MAPK10: variants seen among roughly 807,000 people sequenced by gnomAD.
MAPK10 encodes the protein mitogen-activated protein kinase 10.
In MAPK10, 25 loss-of-function variants were observed where a neutral mutation model predicts 59.3. The ratio of observed to expected loss-of-function variants is 0.42; its 90% CI spans 0.31 to 0.59. The LOEUF is 0.59. Among genes scored for constraint, MAPK10 ranks in the 20% least tolerant of loss-of-function variants. The probability of loss-of-function intolerance (pLI) is 0.15; values close to 1 mark genes in which losing one functional copy is unlikely to be tolerated. For synonymous variants in MAPK10, 190 were observed against 200.5 expected, an observed-to-expected ratio of 0.95 and a Z score of 0.44; for missense variants, 351 against 568.9, an observed-to-expected ratio of 0.62 and a Z score of 3.90.
intron 1 of MAPK10, among the ~76,000 whole-genome samples, chr4:86,451,868 C>T (rs956515956): frequency 1.3e-5 from 2 of 152,120 alleles, no homozygotes; most frequent in Admixed American, 1.3e-4. Flanking sequence ...CAAAAAAAGA[C>T]ACCAGATACC....
chr4:86,420,848 G>A (rs11930495), intron 1 of MAPK10, among the ~76,000 whole-genome samples: 1,675 of 152,150 alleles, frequency 0.011, 29 homozygotes, highest in African/African-American at 0.037. Flanking sequence ...TTGGGAGGCC[G>A]AGGCTGGTGG....
chr4:86,092,916 G>A (rs1647424942), intron 9 of MAPK10, among the ~76,000 whole-genome samples: 2 of 151,948 alleles, frequency 1.3e-5, no homozygotes, highest in African/African-American at 2.4e-5. Context: ...AGATTCACTT[G>A]CAACTGTAAC....
chr4:86,065,225 A>C (rs2046507863), intron 10 of MAPK10: 2 of 152,168 alleles, frequency 1.3e-5, no homozygotes, highest in Non-Finnish European at 2.9e-5. Flanking sequence ...AATTTCTTAT[A>C]TACATAAAAA....
At chr4:86,209,351 G>T (rs946850650) in intron 2 of MAPK10, among the ~76,000 whole-genome samples, 1 of 152,002 alleles carries the variant, frequency 6.6e-6, no homozygotes, top group South Asian at 2.1e-4. Flanking sequence ...AGGTGAAGTA[G>T]GAAGCACCAG....
At chr4:86,548,076 T>C (rs1759394939) in intron 1 of MAPK10, among the ~76,000 whole-genome samples, 1 of 152,124 alleles carries the variant, frequency 6.6e-6, no homozygotes. Context: ...GTTCTTTCAC[T>C]CTTTGCAATA....
intron 4 of MAPK10, chr4:86,119,699 A>G: frequency 6.6e-6 from 1 of 152,106 alleles, no homozygotes; most frequent in Non-Finnish European, 1.5e-5. Context: ...AGGGCTTATT[A>G]TGTCAGATGC....
At chr4:86,293,197 T>C in intron 2 of MAPK10, among the ~76,000 whole-genome samples, 1 of 152,206 alleles carries the variant, frequency 6.6e-6, no homozygotes, top group East Asian at 1.9e-4. Context: ...AAATGTCCCC[T>C]AGAATTTCAA....
intron 2 of MAPK10, chr4:86,340,222 G>A (rs1724062477): frequency 6.6e-6 from 1 of 151,638 alleles, no homozygotes; most frequent in Non-Finnish European, 1.5e-5. Flanking sequence ...AAAACTGAGG[G>A]ACCAGCATTA....
Position 86,354,549 on chromosome 4 carries a change from C to T in MAPK10, c.-26G>A. On this transcript the variant is annotated 5_prime_UTR_variant, in exon 2 of 14. The change abolishes an upstream ATG in the 5' untranslated region. Coordinates refer to ENST00000641462, the MANE Select transcript of MAPK10 (RefSeq NM_138982.4). The stretch of plus-strand genomic sequence containing the variant: ...ACTCACCACAGCTTGTATGGTTTCT[C>T]ATCTATAGGAAACGGGTCTAATTCA... 8.1e-7 allele frequency: 1 copy of T among 1,229,604 alleles called. No homozygotes were observed. Among genetic ancestry groups the T allele is most frequent in the Non-Finnish European group, 1.0e-6 (1 of 985,724 alleles). The allele number at this position is 1,229,604 out of a possible 1,614,324, so 76.2% of individuals were successfully genotyped here.
chr4:86,579,328 G>GT (rs966133780), intron 1 of MAPK10, among the ~76,000 whole-genome samples: 6 of 152,040 alleles, frequency 3.9e-5, no homozygotes, highest in Non-Finnish European at 5.9e-5. Context: ...GTTTTCTTTT[G>GT]TTTTTTCTGA....
At chr4:86,182,939 T>C (rs2077234944) in intron 3 of MAPK10, among the ~76,000 whole-genome samples, 1 of 152,214 alleles carries the variant, frequency 6.6e-6, no homozygotes, top group East Asian at 1.9e-4. Flanking sequence ...AAAAGAACTC[T>C]CATTAAAAAT....
intron 2 of MAPK10, among the ~76,000 whole-genome samples, chr4:86,197,163 T>A (rs2081513023): frequency 6.6e-6 from 1 of 152,216 alleles, no homozygotes; most frequent in Non-Finnish European, 1.5e-5. Flanking sequence ...ATGGCCATTT[T>A]CACAATATTG....
At chr4:86,206,314 C>T (rs1195628746) in intron 2 of MAPK10, among the ~76,000 whole-genome samples, 10 of 151,594 alleles carry the variant, frequency 6.6e-5, no homozygotes, top group South Asian at 4.2e-4. Flanking sequence ...TTTGTTCTTG[C>T]GATAGTTTAC....
chr4:86,360,227 G>C, upstream of MAPK10: 4 of 985,694 alleles, frequency 4.1e-6, no homozygotes, highest in Non-Finnish European at 4.8e-6. Context: ...GGTGAAATGA[G>C]GACCAGGCAA....
chr4:86,356,717 A>G (rs749448090), intron 1 of MAPK10: 4 of 152,196 alleles, frequency 2.6e-5, no homozygotes, highest in Non-Finnish European at 5.9e-5. Context: ...TTAAACAATC[A>G]ATATGCAGCA....
chr4:86,071,316 C>A lies in MAPK10; in HGVS notation c.803-3361G>T, dbSNP rs573120327. ...AGCCCTTTGTCAGATGAGTAGGTTG[C>A]GAACATTTTCTCCCATTTTGTAGGT... On this transcript the variant is annotated intron_variant, in intron 9 of 13. Transcript: ENST00000641462. 3.6e-4 allele frequency among the ~76,000 whole-genome samples: 49 copies of A among 137,138 alleles called. 1 individual carries two copies. Among genetic ancestry groups the A allele is most frequent in the Middle Eastern group, 3.5e-3 (1 of 284 alleles). The allele number at this position is 137,138 out of a possible 152,430, so 90.0% of individuals were successfully genotyped here.
chr4:86,252,545 T>C (rs2093504819), intron 2 of MAPK10, among the ~76,000 whole-genome samples: 1 of 142,470 alleles, frequency 7.0e-6, no homozygotes, highest in South Asian at 2.2e-4. Context: ...TCTGTTTTGG[T>C]ACCAGTACCA....
At chr4:86,310,452 TG>T (rs776599760) in intron 2 of MAPK10, among the ~76,000 whole-genome samples, 5 of 152,196 alleles carry the variant, frequency 3.3e-5, no homozygotes, top group African/African-American at 7.2e-5. Context: ...ATATATTTAT[TG>T]AATATGGGTC....
intron 1 of MAPK10, among the ~76,000 whole-genome samples, chr4:86,468,867 A>T (rs1695721069): frequency 6.6e-6 from 1 of 151,326 alleles, no homozygotes. Flanking sequence ...AAAAAAGAAA[A>T]GAAAAAGAAG....
Sources: gnomAD v4.1 joint callset for allele counts (sites outside exome capture counted in the v4.1 genomes callset) on GRCh38, gnomAD v4.1.1 for gene constraint, MANE v1.5 for transcripts, NCBI Gene and HGNC (gene_info 2026-07-23, HGNC 2026-07-21) for gene names.